The following LYST variants were observed in gnomAD, a reference collection of about 807,000 sequenced individuals.
LYST encodes the protein lysosomal trafficking regulator, also known as lysosomal-trafficking regulator.
In LYST, 192 loss-of-function variants were observed where a neutral mutation model predicts 413.6. That is an observed-to-expected ratio of 0.46 (90% CI 0.41 to 0.52). LYST has a LOEUF of 0.52. Among genes scored for constraint, LYST ranks in the 20% least tolerant of loss-of-function variants. LYST has a pLI of 0.00. For missense variants in LYST, 3,815 were observed against 4,499.9 expected, an observed-to-expected ratio of 0.85 and a Z score of 4.35; for synonymous variants, 1,525 against 1,567.3, an observed-to-expected ratio of 0.97 and a Z score of 0.64.
intron 48 of LYST, among the ~76,000 whole-genome samples, chr1:235,684,546 C>T (rs1009178444): frequency 1.3e-5 from 2 of 152,096 alleles, no homozygotes; most frequent in African/African-American, 4.8e-5. Context: ...CATTTTAAGC[C>T]TTTGGGAATC....
chr1:235,757,470 A>G lies in LYST; in HGVS notation c.6882-12T>C. 1.2e-6 allele frequency: 2 copies of G among 1,610,238 alleles called. No homozygotes were observed. The highest frequency in any genetic ancestry group is 1.3e-5 in the African/African-American group (1 of 74,922). On this transcript the variant is annotated splice_polypyrimidine_tract_variant and intron_variant, in intron 23 of 52. Coordinates refer to ENST00000389793, the MANE Select transcript of LYST (RefSeq NM_000081.4). Reference sequence around the variant, plus strand: ...AGTCTTCAGTTACACTAAAACAGAGACCAAAAAAGTCTTACTAACATGACA... The same window carrying G: ...AGTCTTCAGTTACACTAAAACAGAGGCCAAAAAAGTCTTACTAACATGACA...
intron 31 of LYST, 103 bp from the exon 32 acceptor site, chr1:235,734,762 T>C: frequency 3.9e-6 from 3 of 771,896 alleles, no homozygotes; most frequent in South Asian, 1.9e-5. Flanking sequence ...TTTGGTTGCA[T>C]CTGATTTAAA....
chr1:235,823,731 C>T (rs192902671), intron 3 of LYST, among the ~76,000 whole-genome samples: 184 of 152,316 alleles, frequency 1.2e-3, no homozygotes, highest in African/African-American at 4.3e-3. Context: ...ATGTGCAATT[C>T]TTCTGGTCTG....
intron 28 of LYST, among the ~76,000 whole-genome samples, chr1:235,748,529 C>A (rs1271712010): frequency 6.6e-6 from 1 of 151,890 alleles, no homozygotes; most frequent in African/African-American, 2.4e-5. Context: ...AAATAGAAAT[C>A]AATTTATAAA....
chr1:235,738,259 T>C, intron 31 of LYST: 1 of 1,611,180 alleles, frequency 6.2e-7, no homozygotes, highest in Non-Finnish European at 8.5e-7. Flanking sequence ...ACTGTAACTG[T>C]AAACTCCAAG....
chr1:235,720,619 A>G (rs1572067535), intron 40 of LYST, 42 bp downstream of exon 40: 1 of 1,598,466 alleles, frequency 6.3e-7, no homozygotes. Context: ...AATACAACAT[A>G]TGGATGGATG....
chr1:235,863,745 C>A (rs1255053321), intron 1 of LYST, among the ~76,000 whole-genome samples: 1 of 152,058 alleles, frequency 6.6e-6, no homozygotes, highest in African/African-American at 2.4e-5. Context: ...AAATTTTTAA[C>A]CCCCTGGTAT....
At chr1:235,861,590 T>C (rs1370069812) in intron 1 of LYST, among the ~76,000 whole-genome samples, 2 of 152,224 alleles carry the variant, frequency 1.3e-5, no homozygotes, top group South Asian at 4.1e-4. Context: ...TTTAAAAAAT[T>C]AGCTTATTTC....
intron 3 of LYST, among the ~76,000 whole-genome samples, chr1:235,814,452 G>A (rs190380326): frequency 1.2e-4 from 18 of 152,282 alleles, no homozygotes; most frequent in African/African-American, 4.3e-4. Flanking sequence ...AAGACTTAAA[G>A]ATGGGCAATG....
Position 235,791,786 on chromosome 1 carries a change from C to T in LYST, c.4456G>A (p.Glu1486Lys). The change falls in exon 12 of 53, where the codon GAA becomes AAA. Residue 1486 changes from glutamate to lysine, a missense_variant. Glu to Lys is a moderately conservative substitution (Grantham distance 56). Around this residue, in one of 4 missense-constraint regions of LYST, gnomAD observed 1,648 missense variants for 1,810.3 expected, o/e 0.91. Coordinates refer to ENST00000389793, the MANE Select transcript of LYST (RefSeq NM_000081.4). The stretch of plus-strand genomic sequence containing the variant: ...CCTTTTTCTGTAGTACTCTCAGCTT[C>T]ATGGATACACTCCACATTAAACCAC... ...SLWFNVECIH[E>K]AESTTEKGKK... 6.2e-7 allele frequency: 1 copy of T among 1,613,698 alleles called. No individual in the cohort carries two copies. Among genetic ancestry groups the T allele is most frequent in the Non-Finnish European group, 8.5e-7 (1 of 1,179,604 alleles).
intron 3 of LYST, among the ~76,000 whole-genome samples, chr1:235,824,936 C>T (rs963764605): frequency 6.6e-6 from 1 of 152,052 alleles, no homozygotes. Context: ...AGAAGAATCA[C>T]TTAAACCTGG....
intron 50 of LYST, among the ~76,000 whole-genome samples, chr1:235,665,607 T>C (rs1658374588): frequency 2.2e-5 from 2 of 90,574 alleles, no homozygotes; most frequent in Non-Finnish European, 4.3e-5. Flanking sequence ...GCAGAGACTC[T>C]ATCTCAAAAA....
chr1:235,721,124 A>G (rs1663328692), intron 39 of LYST, among the ~76,000 whole-genome samples: 1 of 152,210 alleles, frequency 6.6e-6, no homozygotes, highest in African/African-American at 2.4e-5. Context: ...TGCTGCAGAA[A>G]TATGTTAATA....
Position 235,857,309 on chromosome 1 carries a change from T to C in LYST, c.-98+9534A>G, listed in dbSNP as rs987722359. ...AATTGAGCCCTCAACTAGATGGGCA[T>C]GAGTGGAGATTACTAGCCTAAGATG... On this transcript the variant is annotated intron_variant, in intron 1 of 52. Coordinates refer to ENST00000389793, the MANE Select transcript of LYST (RefSeq NM_000081.4). 6.6e-5 allele frequency among the ~76,000 whole-genome samples: 10 copies of C among 152,186 alleles called. No individual in the cohort carries two copies. In the East Asian group the frequency reaches 1.9e-3, roughly 29 times the overall value.
At chr1:235,698,657 G>A (rs1661293408) in intron 45 of LYST, among the ~76,000 whole-genome samples, 1 of 152,122 alleles carries the variant, frequency 6.6e-6, no homozygotes, top group Non-Finnish European at 1.5e-5. Context: ...GGATCATGAA[G>A]TCAGGAGATC....
intron 1 of LYST, among the ~76,000 whole-genome samples, chr1:235,879,997 A>G (rs1362512897): frequency 1.3e-5 from 2 of 152,154 alleles, no homozygotes; most frequent in East Asian, 1.9e-4. Context: ...TCAGCCTCCC[A>G]AAGTGCTGGG....
chr1:235,852,653 A>G (rs1678674680), intron 1 of LYST, among the ~76,000 whole-genome samples: 1 of 152,214 alleles, frequency 6.6e-6, no homozygotes, highest in African/African-American at 2.4e-5. Context: ...TTCAACTAAT[A>G]CTGAGGTAAG....
chr1:235,671,273 G>A (rs1168043449), intron 50 of LYST, among the ~76,000 whole-genome samples: 1 of 152,092 alleles, frequency 6.6e-6, no homozygotes, highest in African/African-American at 2.4e-5. Context: ...ACATTCCAAT[G>A]GAGAAGACAA....
chr1:235,741,626 A>G lies in LYST; in HGVS notation c.8154T>C (p.Gly2718=), dbSNP rs747159963. The change falls in exon 31 of 53, where the codon GGT becomes GGC. Residue 2718 remains glycine, a splice_region_variant and synonymous_variant. Transcript: ENST00000389793. ...YLVEGFKVSI[G]SSKASGSKQQ... is the part of the protein sequence containing the mutation. ...GCTTGGAACCACTGGCTTTACTTGA[A>G]CCCTAAAATCAATCAAGATAGGAAT... 6.2e-7 allele frequency: 1 copy of G among 1,611,910 alleles called. No individual in the cohort carries two copies. The highest frequency in any genetic ancestry group is 8.5e-7 in the Non-Finnish European group (1 of 1,178,166).
Sources: gnomAD v4.1 joint callset for allele counts (sites outside exome capture counted in the v4.1 genomes callset) on GRCh38, gnomAD v4.1.1 for gene constraint, gnomAD v4.1.1 regional missense constraint, MANE v1.5 for transcripts, NCBI Gene and HGNC (gene_info 2026-07-23, HGNC 2026-07-21) for gene names.